Variants in TMEM120B observed in about 807,000 individuals in gnomAD.
TMEM120B encodes transmembrane protein 120B.
Under a neutral mutation model 55.5 loss-of-function variants are expected in TMEM120B, and 31 were observed. The ratio of observed to expected loss-of-function variants is 0.56; its 90% confidence interval spans 0.42 to 0.75. The LOEUF is 0.75. TMEM120B is among the 30% of genes least tolerant of loss of function. The probability of loss-of-function intolerance (pLI) is 0.00; values close to 1 mark genes in which losing one functional copy is unlikely to be tolerated. For missense variants in TMEM120B, 399 were observed against 425.5 expected (o/e 0.94, Z 0.55); for synonymous variants, 203 against 176.3 (o/e 1.15, Z -1.20).
At chr12:121,729,888 C>A (rs1247883340) in intron 1 of TMEM120B, among the ~76,000 whole-genome samples, 1 of 152,156 alleles carries the variant, frequency 6.6e-6, no homozygotes, top group African/African-American at 2.4e-5. Context: ...ATGGAAGCAA[C>A]CCATCTTCCA....
chr12:121,779,426 G>A lies in TMEM120B; in HGVS notation c.*3704G>A. The A allele has an allele frequency of 6.5e-7, 1 of 1,537,252 alleles. No homozygotes were observed. The highest frequency in any genetic ancestry group is 8.8e-7 in the Non-Finnish European group (1 of 1,132,262). On this transcript the variant is annotated 3_prime_UTR_variant, in exon 12 of 12. Coordinates refer to ENST00000449592, the MANE Select transcript of TMEM120B (RefSeq NM_001080825.2). The stretch of plus-strand genomic sequence containing the variant: ...TGAGCTGGAGGGTCGGGATGGGGCA[G>A]CCTCCCTGGTGCAATCGGCACCTGG...
At position 121,777,854 on chromosome 12, in the gene TMEM120B, C is replaced by G. The variant is rs570637406; in HGVS notation, c.*2132C>G. ...CCTCTACCGTAGACCATCATGAGGCCTGGGGTTCTTCGAGAACAAGAACTC... is the reference window on the plus strand; with the variant it reads ...CCTCTACCGTAGACCATCATGAGGCGTGGGGTTCTTCGAGAACAAGAACTC... On this transcript the variant is annotated 3_prime_UTR_variant, in exon 12 of 12. Coordinates refer to ENST00000449592, the MANE Select transcript of TMEM120B (RefSeq NM_001080825.2). The G allele has an allele frequency of 3.3e-5, 5 of 152,338 alleles. No individual in the cohort carries two copies. Among genetic ancestry groups the G allele is most frequent in the Admixed American group, 3.3e-4 (5 of 15,296 alleles). 9.4% of individuals were successfully genotyped at this position (152,338 alleles called of 1,614,324 possible).
At chr12:121,723,349 G>T (rs1329949822) in intron 1 of TMEM120B, among the ~76,000 whole-genome samples, 1 of 151,996 alleles carries the variant, frequency 6.6e-6, no homozygotes, top group African/African-American at 2.4e-5. Flanking sequence ...CTAATCTTCT[G>T]CAGAGACAGG....
chr12:121,780,810 G>A lies in TMEM120B; in HGVS notation c.*5088G>A, dbSNP rs1874421616. 6.4e-7 allele frequency: 1 copy of A among 1,551,522 alleles called. No individual in the cohort carries two copies. ...GCCACTAAGGCACCCCAGTTGCAGA[G>A]GCCAAAGGTCCGGGAGGCTTCACAG... is the stretch of plus-strand genomic sequence containing the variant. On this transcript the variant is annotated 3_prime_UTR_variant, in exon 12 of 12. Coordinates refer to ENST00000449592, the MANE Select transcript of TMEM120B (RefSeq NM_001080825.2).
Position 121,775,190 on chromosome 12 carries a change from G to T in TMEM120B, c.906+60G>T. 6.9e-7 allele frequency: 1 copy of T among 1,455,618 alleles called. No individual in the cohort carries two copies. Among genetic ancestry groups the T allele is most frequent in the Non-Finnish European group, 9.4e-7 (1 of 1,060,856 alleles). 90.2% of individuals were successfully genotyped at this position (1,455,618 alleles called of 1,614,324 possible). A position where few individuals can be genotyped will look rare whatever the true frequency, so the allele number is the denominator to read the frequency against. On this transcript the variant is annotated intron_variant, in intron 11 of 11. Coordinates refer to ENST00000449592, the MANE Select transcript of TMEM120B (RefSeq NM_001080825.2). The surrounding 1 kb of genome is among the most constrained non-coding windows in gnomAD (Gnocchi z 4.3). Reference sequence around the variant, plus strand: ...CCGGGAGGGCTGGGGTGGCAGGGATGGGGTGTATGTGTGGCATGCTGGGGT... The same window carrying T: ...CCGGGAGGGCTGGGGTGGCAGGGATTGGGTGTATGTGTGGCATGCTGGGGT...
intron 5 of TMEM120B, among the ~76,000 whole-genome samples, chr12:121,760,718 T>C (rs1345273168): frequency 6.6e-6 from 1 of 152,116 alleles, no homozygotes; most frequent in Non-Finnish European, 1.5e-5. Flanking sequence ...TGGCACTGGG[T>C]GTGGCCAATT....
At chr12:121,744,349 C>G in intron 2 of TMEM120B, among the ~76,000 whole-genome samples, 1 of 152,248 alleles carries the variant, frequency 6.6e-6, no homozygotes, top group East Asian at 1.9e-4. Flanking sequence ...ATGCCGTGTG[C>G]TAAGTCTGTG....
At chr12:121,763,149 C>T (rs541780737) in intron 6 of TMEM120B, among the ~76,000 whole-genome samples, 7 of 147,338 alleles carry the variant, frequency 4.8e-5, no homozygotes, top group East Asian at 4.0e-4. Context: ...ATTGGAACCT[C>T]GGCATGCCTT....
chr12:121,738,504 A>G lies in TMEM120B; in HGVS notation c.70-5125A>G, dbSNP rs533381861. ...TCAGGCCAGGGCCCCGTCTTCCCCA[A>G]GGTTGCATCATCTGGGCAGGATCTC... On this transcript the variant is annotated intron_variant, in intron 1 of 11. Transcript: ENST00000449592. 5.3e-5 allele frequency among the ~76,000 whole-genome samples: 8 copies of G among 152,198 alleles called. No individual in the cohort carries two copies. In the South Asian group the frequency reaches 1.5e-3, roughly 28 times the overall value.
intron 1 of TMEM120B, among the ~76,000 whole-genome samples, chr12:121,736,012 G>A (rs1895103331): frequency 6.6e-6 from 1 of 151,936 alleles, no homozygotes; most frequent in South Asian, 2.1e-4. Flanking sequence ...ATCTATAAAA[G>A]TGTTACTACC....
chr12:121,779,957 C>CT lies in TMEM120B; in HGVS notation c.*4235_*4236insT. 2.7e-6 allele frequency: 1 copy of CT among 365,166 alleles called. No homozygotes were observed. The highest frequency in any genetic ancestry group is 5.1e-6 in the Non-Finnish European group (1 of 196,674). The allele number at this position is 365,166 out of a possible 1,614,324, so 22.6% of individuals were successfully genotyped here. A position where few individuals can be genotyped will look rare whatever the true frequency, so the allele number is the denominator to read the frequency against. ...CCGGGGTTGGTTCCCCCAGGTGTCT[C>CT]CCAGGCCTGTGAGAAGAGTTGGAGG... On this transcript the variant is annotated 3_prime_UTR_variant, in exon 12 of 12. Coordinates refer to ENST00000449592, the MANE Select transcript of TMEM120B (RefSeq NM_001080825.2).
At position 121,780,715 on chromosome 12, in the gene TMEM120B, G is replaced by T; in HGVS notation, c.*4993G>T. 1.2e-6 allele frequency: 1 copy of T among 835,332 alleles called. No individual in the cohort carries two copies. The highest frequency in any genetic ancestry group is 1.8e-6 in the Non-Finnish European group (1 of 549,960). The allele number at this position is 835,332 out of a possible 1,614,324, so 51.7% of individuals were successfully genotyped here. On this transcript the variant is annotated 3_prime_UTR_variant, in exon 12 of 12. Coordinates refer to ENST00000449592, the MANE Select transcript of TMEM120B (RefSeq NM_001080825.2). ...GGGAGTAGTCGTGTAAAGTGCTCAG[G>T]TCCACAGGCCATCAATACTAATAGT...
At chr12:121,736,931 G>A (rs1238282567) in intron 1 of TMEM120B, among the ~76,000 whole-genome samples, 1 of 152,068 alleles carries the variant, frequency 6.6e-6, no homozygotes, top group South Asian at 2.1e-4. Flanking sequence ...GTGACTACCT[G>A]GGACTTGTCT....
At chr12:121,743,194 C>A (rs966285226) in intron 1 of TMEM120B, among the ~76,000 whole-genome samples, 1 of 151,898 alleles carries the variant, frequency 6.6e-6, no homozygotes, top group African/African-American at 2.4e-5. Context: ...TCTTAGTTGA[C>A]CTAACAGGAA....
chr12:121,757,134 G>C (rs1873497888), intron 5 of TMEM120B, among the ~76,000 whole-genome samples: 1 of 83,524 alleles, frequency 1.2e-5, no homozygotes, highest in African/African-American at 4.4e-5. Flanking sequence ...CGGCCTCCCT[G>C]GGCGGTGGGG....
At chr12:121,768,976 T>C (rs1362344745) in intron 6 of TMEM120B, among the ~76,000 whole-genome samples, 3 of 151,874 alleles carry the variant, frequency 2.0e-5, no homozygotes, top group Non-Finnish European at 2.9e-5. Context: ...TGAAATCCTG[T>C]CTCTACTAAA....
chr12:121,750,868 C>A (rs1281431558), intron 4 of TMEM120B, among the ~76,000 whole-genome samples: 2 of 132,250 alleles, frequency 1.5e-5, no homozygotes, highest in African/African-American at 2.9e-5. Context: ...ACACCCCACA[C>A]CCACACCACA....
At position 121,781,222 on chromosome 12, in the gene TMEM120B, G is replaced by A. The variant is rs748520216; in HGVS notation, c.*5500G>A. The A allele has an allele frequency of 3.8e-6, 6 of 1,596,710 alleles. No homozygotes were observed. The Admixed American group carries it at 6.7e-5, about 18-fold the overall frequency. On this transcript the variant is annotated 3_prime_UTR_variant, in exon 12 of 12. Coordinates refer to ENST00000449592, the MANE Select transcript of TMEM120B (RefSeq NM_001080825.2). Reference sequence around the variant, plus strand: ...AAGCACAGAGCAGCGGGGGTCAGGGGACGTCCCCTCCCTGTCTGGACTCTG... The same window carrying A: ...AAGCACAGAGCAGCGGGGGTCAGGGAACGTCCCCTCCCTGTCTGGACTCTG...
chr12:121,729,641 A>G (rs532100111), intron 1 of TMEM120B, among the ~76,000 whole-genome samples: 82 of 135,314 alleles, frequency 6.1e-4, no homozygotes, highest in African/African-American at 2.7e-3. Context: ...CTCTACAAGA[A>G]AAAAAAAAAA....
Sources: gnomAD v4.1 joint callset for allele counts (sites outside exome capture counted in the v4.1 genomes callset) on GRCh38, gnomAD v4.1.1 for gene constraint, Gnocchi (gnomAD v3.1) non-coding constraint, MANE v1.5 for transcripts, NCBI Gene and HGNC (gene_info 2026-07-23, HGNC 2026-07-21) for gene names.